Variants in SLC7A6 observed in about 807,000 individuals in gnomAD.
SLC7A6 encodes the protein Y+L amino acid transporter 2.
A neutral mutation model predicts 46.6 loss-of-function variants in SLC7A6; 29 were observed. That is an observed-to-expected ratio of 0.62 (90% CI 0.46 to 0.85). SLC7A6 has a LOEUF of 0.85. SLC7A6 is among the 40% of genes least tolerant of loss of function. SLC7A6 has a pLI of 0.00. For synonymous variants in SLC7A6, 276 were observed against 257.3 expected (o/e 1.07, Z -0.70); for missense variants, 527 against 647.6 (o/e 0.81, Z 2.02).
chr16:68,287,955 C>T (rs750211433), intron 4 of SLC7A6, 84 bp downstream of exon 4: 35 of 1,547,502 alleles, frequency 2.3e-5, no homozygotes, highest in Middle Eastern at 2.2e-4. Flanking sequence ...CTTCACTGCT[C>T]GGCTGTTTCT....
chr16:68,274,249 C>T (rs1174297215), intron 2 of SLC7A6, among the ~76,000 whole-genome samples: 2 of 152,152 alleles, frequency 1.3e-5, no homozygotes, highest in Non-Finnish European at 2.9e-5. Context: ...GGTGACTGGG[C>T]AGGATTACCT....
chr16:68,301,542 T>G lies in SLC7A6; in HGVS notation c.*4214T>G. On this transcript the variant is annotated 3_prime_UTR_variant, in exon 11 of 11. Coordinates refer to ENST00000219343, the MANE Select transcript of SLC7A6 (RefSeq NM_003983.6). ...CTTGCTCAATAAATAAAAAAGAATATAGAATTCTTTTTTTTTTAAAGAAGG... is the reference window on the plus strand; with the variant it reads ...CTTGCTCAATAAATAAAAAAGAATAGAGAATTCTTTTTTTTTTAAAGAAGG... The G allele has an allele frequency of 1.6e-6, 1 of 644,170 alleles. No homozygotes were observed. The highest frequency in any genetic ancestry group is 2.4e-6 in the Non-Finnish European group (1 of 414,980). 39.9% of individuals were successfully genotyped at this position (644,170 alleles called of 1,614,324 possible).
At chr16:68,284,845 G>A (rs1455069072) in intron 3 of SLC7A6, 4 of 107,826 alleles carry the variant, frequency 3.7e-5, no homozygotes, top group African/African-American at 1.5e-4. Context: ...TGTCTCTTCT[G>A]TGTATTTTCT....
Position 68,274,990 on chromosome 16 carries a change from G to C in SLC7A6, c.264G>C (p.Gly88=). 6.2e-7 allele frequency: 1 copy of C among 1,614,206 alleles called. No individual in the cohort carries two copies. Among genetic ancestry groups the C allele is most frequent in the Non-Finnish European group, 8.5e-7 (1 of 1,180,044 alleles). Residue 88 remains glycine (G), a synonymous_variant, in exon 3 of 11, where the codon GGG becomes GGC. Transcript: ENST00000219343. ...CACTGATTGTGTGGGCCATTGGTGG[G>C]CTCTTCTCTGTTGTGGGTGCCCTTT... The part of the protein sequence containing the change: ...GMSLIVWAIG[G]LFSVVGALCY...
rs1191330027 is a variant in SLC7A6 at position 68,287,840 on chromosome 16, CATT to C, written c.619_621del (p.Ile207del). On this transcript the variant is annotated inframe_deletion, in exon 4 of 11. Coordinates refer to ENST00000219343, the MANE Select transcript of SLC7A6 (RefSeq NM_003983.6). The stretch of plus-strand genomic sequence containing the variant: ...CCAAGGTCGTAGCGCTCATTGCCAT[CATT>C]GTCATGGGCCTTGTTAAACTGTGCC... 4 of 1,614,212 alleles carry C rather than the reference CATT, an allele frequency of 2.5e-6. No homozygotes were observed. The highest frequency in any genetic ancestry group is 3.4e-6 in the Non-Finnish European group (4 of 1,180,036).
At chr16:68,275,291 G>C in intron 3 of SLC7A6, 42 bp downstream of exon 3, 1 of 1,567,378 alleles carries the variant, frequency 6.4e-7, no homozygotes, top group Middle Eastern at 1.7e-4. Flanking sequence ...GGGGGTGGGG[G>C]GTACTATAAT....
chr16:68,297,119 G>A, intron 10 of SLC7A6, 115 bp from the exon 11 acceptor site: 1 of 921,748 alleles, frequency 1.1e-6, no homozygotes. Flanking sequence ...GCCTGATATA[G>A]GGTACTTAAG....
intron 3 of SLC7A6, among the ~76,000 whole-genome samples, chr16:68,282,623 AT>A (rs111778880): frequency 4.4e-3 from 606 of 136,668 alleles, no homozygotes; most frequent in Non-Finnish European, 4.3e-3. Context: ...TTCCTTCCAC[AT>A]TTTTTTTTTT....
At chr16:68,295,171 C>T (rs2043137857) in intron 8 of SLC7A6, among the ~76,000 whole-genome samples, 1 of 151,982 alleles carries the variant, frequency 6.6e-6, no homozygotes, top group Non-Finnish European at 1.5e-5. Flanking sequence ...TTATTGTATG[C>T]CCCTTAAATG....
chr16:68,268,833 C>A (rs1001660125), intron 2 of SLC7A6, among the ~76,000 whole-genome samples: 3 of 151,844 alleles, frequency 2.0e-5, no homozygotes, highest in African/African-American at 4.8e-5. Flanking sequence ...TATGGTGAAA[C>A]CCCGTCTCTA....
intron 2 of SLC7A6, among the ~76,000 whole-genome samples, chr16:68,270,294 C>CG (rs1404101907): frequency 2.0e-5 from 3 of 151,976 alleles, no homozygotes; most frequent in African/African-American, 7.3e-5. Context: ...AAGACACCTC[C>CG]GGTGGTCTTG....
At chr16:68,266,448 T>C (rs898982781) in intron 1 of SLC7A6, 145 bp from the exon 2 acceptor site, 14 of 152,204 alleles carry the variant, frequency 9.2e-5, no homozygotes, top group African/African-American at 2.7e-4. Flanking sequence ...GCCGGGCATG[T>C]AAAATTTAGA....
Position 68,297,468 on chromosome 16 carries a change from C to A in SLC7A6, c.*140C>A. On this transcript the variant is annotated 3_prime_UTR_variant, in exon 11 of 11. Transcript: ENST00000219343. ...TAGTGGGGCTCAGGGCCAGTGCTCA[C>A]TCTTATTGGTAAGCTATAGGAGACT... 1 of 633,372 alleles carries A rather than the reference C, an allele frequency of 1.6e-6. No individual in the cohort carries two copies. Among genetic ancestry groups the A allele is most frequent in the Non-Finnish European group, 2.7e-6 (1 of 377,160 alleles). 39.2% of individuals were successfully genotyped at this position (633,372 alleles called of 1,614,324 possible).
At chr16:68,293,012 AAG>A (rs1453829219) in intron 7 of SLC7A6, among the ~76,000 whole-genome samples, 1 of 152,232 alleles carries the variant, frequency 6.6e-6, no homozygotes, top group African/African-American at 2.4e-5. Flanking sequence ...CATGAAAAAT[AAG>A]AGAGAGTTTT....
intron 2 of SLC7A6, among the ~76,000 whole-genome samples, chr16:68,273,271 C>T (rs866646732): frequency 1.3e-5 from 2 of 152,132 alleles, no homozygotes; most frequent in Non-Finnish European, 2.9e-5. Flanking sequence ...ACATCACATA[C>T]ACATTTGTTG....
In SLC7A6 at chr16:68,269,490, C is replaced by T. The variant is rs74026042; in HGVS notation, c.-37+2769C>T. On this transcript the variant is annotated intron_variant, in intron 2 of 10. Transcript: ENST00000219343. ...TTGGGTGTTATTGTTGCTATGGTTA[C>T]GTTAGGTGCACCAATGACTTCAAAT... Among the ~76,000 whole-genome samples, 687 of 152,162 alleles carry T rather than the reference C, an allele frequency of 4.5e-3. 9 individuals are homozygous for T. Among genetic ancestry groups the T allele is most frequent in the African/African-American group, 0.015 (640 of 41,512 alleles).
chr16:68,290,308 T>C, intron 4 of SLC7A6, 88 bp from the exon 5 acceptor site: 2 of 1,401,372 alleles, frequency 1.4e-6, no homozygotes, highest in East Asian at 2.3e-5. Context: ...TCCTTTCGTA[T>C]CTTTCTCTTA....
chr16:68,275,358 G>C, intron 3 of SLC7A6, 109 bp downstream of exon 3: 1 of 1,354,884 alleles, frequency 7.4e-7, no homozygotes, highest in Non-Finnish European at 1.0e-6. Context: ...CACTTTGGGA[G>C]GCTGAGGCGG....
Position 68,287,859 on chromosome 16 carries a change from A to C in SLC7A6, c.637A>C (p.Lys213Gln), listed in dbSNP as rs1329525113. The C allele has an allele frequency of 6.2e-7, 1 of 1,614,096 alleles. No individual in the cohort carries two copies. Among genetic ancestry groups the C allele is most frequent in the South Asian group, 1.1e-5 (1 of 91,072 alleles). Residue 213 changes from lysine to glutamine, a missense_variant, in exon 4 of 11, where the codon AAA (lysine) becomes CAA (glutamine). Physicochemically the swap from Lys to Gln is moderately conservative, Grantham distance 53. Coordinates refer to ENST00000219343, the MANE Select transcript of SLC7A6 (RefSeq NM_003983.6). ...LIAIIVMGLVKLCQGHSEHFQ... is the reference protein window; with the variant it reads ...LIAIIVMGLVQLCQGHSEHFQ... ...TGCCATCATTGTCATGGGCCTTGTTAAACTGTGCCAGGGTAAGTGGTGGGA... is the reference window on the plus strand; with the variant it reads ...TGCCATCATTGTCATGGGCCTTGTTCAACTGTGCCAGGGTAAGTGGTGGGA...
Sources: gnomAD v4.1 joint callset for allele counts (sites outside exome capture counted in the v4.1 genomes callset) on GRCh38, gnomAD v4.1.1 for gene constraint, MANE v1.5 for transcripts, NCBI Gene and HGNC (gene_info 2026-07-23, HGNC 2026-07-21) for gene names.